MIGA1: variants seen among roughly 807,000 people sequenced by gnomAD.
The protein encoded by MIGA1 is family with sequence similarity 73, member A.
A neutral mutation model predicts 82.0 loss-of-function variants in MIGA1; 58 were observed. The observed-to-expected ratio is 0.71, with a 90% confidence interval of 0.57 to 0.88. The LOEUF is 0.88. MIGA1 is among the 40% of genes least tolerant of loss of function. The probability of loss-of-function intolerance (pLI) is 0.00; values close to 1 mark genes in which losing one functional copy is unlikely to be tolerated. For missense variants in MIGA1, 751 were observed against 749.1 expected, an observed-to-expected ratio of 1.00 and a Z score of -0.03; for synonymous variants, 249 against 253.6, an observed-to-expected ratio of 0.98 and a Z score of 0.17.
rs72641181 is a variant in MIGA1, at chr1:77,828,090, G to A, written c.895+12859G>A. On this transcript the variant is annotated intron_variant, in intron 7 of 15. Coordinates refer to ENST00000370791, the MANE Select transcript of MIGA1 (RefSeq NM_198549.4). ...AATAAATAAATAAATAAAGGTGGGT[G>A]GGGAGGTTTAATGGTTTCCTTTGTG... 1.0e-3 allele frequency among the ~76,000 whole-genome samples: 157 copies of A among 152,076 alleles called. 2 individuals carry two copies. The East Asian group carries it at 0.026, about 25-fold the overall frequency.
At chr1:77,828,884 A>G (rs1684132486) in intron 7 of MIGA1, among the ~76,000 whole-genome samples, 1 of 151,976 alleles carries the variant, frequency 6.6e-6, no homozygotes, top group Non-Finnish European at 1.5e-5. Flanking sequence ...CCTGTATTTC[A>G]CAGGCTGGGC....
chr1:77,847,658 C>G, intron 8 of MIGA1: 13 of 1,569,142 alleles, frequency 8.3e-6, no homozygotes, highest in Non-Finnish European at 1.1e-5. Context: ...TGGATGTAAC[C>G]AAGCAGAAAG....
intron 7 of MIGA1, among the ~76,000 whole-genome samples, chr1:77,816,644 T>C (rs1431026345): frequency 6.6e-6 from 1 of 152,210 alleles, no homozygotes; most frequent in Non-Finnish European, 1.5e-5. Flanking sequence ...TTTAATAGCT[T>C]CTCTGCTATT....
chr1:77,859,795 G>A (rs1381905898), intron 10 of MIGA1: 1 of 403,818 alleles, frequency 2.5e-6, no homozygotes, highest in Non-Finnish European at 4.4e-6. Flanking sequence ...AAATTTATTT[G>A]AGACTGTAAT....
chr1:77,780,073 G>A (rs1220205637), intron 1 of MIGA1: 3 of 1,051,902 alleles, frequency 2.9e-6, no homozygotes, highest in Non-Finnish European at 3.4e-6. Context: ...CCAGAGGAAG[G>A]GTCTGGACGG....
At chr1:77,798,976 A>G (rs1429241503) in intron 2 of MIGA1, among the ~76,000 whole-genome samples, 2 of 152,180 alleles carry the variant, frequency 1.3e-5, no homozygotes, top group Non-Finnish European at 2.9e-5. Context: ...AGATAATATT[A>G]TGGCTTTCTT....
chr1:77,845,699 T>G (rs1684812774), intron 8 of MIGA1, among the ~76,000 whole-genome samples: 1 of 152,184 alleles, frequency 6.6e-6, no homozygotes, highest in African/African-American at 2.4e-5. Context: ...AAGGTTAAAT[T>G]AGGGAAAATT....
At chr1:77,806,949 G>A (rs765734750) in intron 4 of MIGA1, 26 bp from the exon 5 acceptor site, 4 of 1,568,700 alleles carry the variant, frequency 2.5e-6, no homozygotes, top group Non-Finnish European at 3.5e-6. Flanking sequence ...GAGATTTGAA[G>A]TAACTTCTAT....
chr1:77,871,125 G>GCGAGAGGGAGAGGGA (rs1553229461), intron 14 of MIGA1, among the ~76,000 whole-genome samples: 5 of 74,216 alleles, frequency 6.7e-5, no homozygotes, highest in Non-Finnish European at 1.3e-4. Flanking sequence ...GAGAGGGAGA[G>GCGAGAGGGAGAGGGA]GAGGGAGAGG....
chr1:77,808,346 T>A (rs1279265891), intron 5 of MIGA1, among the ~76,000 whole-genome samples: 1 of 152,136 alleles, frequency 6.6e-6, no homozygotes, highest in Non-Finnish European at 1.5e-5. Flanking sequence ...AGGTAACATT[T>A]ACATGTTCTA....
At chr1:77,838,925 A>G (rs967692385) in intron 7 of MIGA1, among the ~76,000 whole-genome samples, 14 of 151,896 alleles carry the variant, frequency 9.2e-5, no homozygotes, top group African/African-American at 2.9e-4. Context: ...CAATTCATTT[A>G]TTTTCATTGT....
At chr1:77,797,492 T>A (rs1207088772) in intron 2 of MIGA1, among the ~76,000 whole-genome samples, 2 of 152,320 alleles carry the variant, frequency 1.3e-5, no homozygotes, top group African/African-American at 4.8e-5. Flanking sequence ...CTTTTCTTAA[T>A]TTTTTAAAAA....
At chr1:77,874,803 T>G (rs556484902) in intron 15 of MIGA1, 43 bp from the exon 16 acceptor site, 1 of 1,403,742 alleles carries the variant, frequency 7.1e-7, no homozygotes, top group African/African-American at 1.4e-5. Flanking sequence ...TCAATGTAAC[T>G]TAATTTTGGT....
In MIGA1 at chr1:77,862,433, C is replaced by T. The variant is rs186577610; in HGVS notation, c.1374+1111C>T. Among the ~76,000 whole-genome samples the T allele has an allele frequency of 4.8e-3, 716 of 150,382 alleles. 6 individuals carry two copies. The highest frequency in any genetic ancestry group is 5.2e-3 in the Non-Finnish European group (355 of 67,690). On this transcript the variant is annotated intron_variant, in intron 12 of 15. Coordinates refer to ENST00000370791, the MANE Select transcript of MIGA1 (RefSeq NM_198549.4). ...CTGTACTCCAGCCTGGGTGACAGAA[C>T]AAGACTCTGGCTCAAAAAATATATA...
chr1:77,802,200 A>G (rs895704627), intron 3 of MIGA1, among the ~76,000 whole-genome samples: 3 of 152,228 alleles, frequency 2.0e-5, no homozygotes, highest in Non-Finnish European at 4.4e-5. Context: ...TCTGTCCAGC[A>G]TACAATTAAT....
Position 77,861,291 on chromosome 1 carries a change from G to A in MIGA1, c.1343G>A (p.Gly448Asp). 1.2e-6 allele frequency: 2 copies of A among 1,612,890 alleles called. No homozygotes were observed. Among genetic ancestry groups the A allele is most frequent in the Non-Finnish European group, 1.7e-6 (2 of 1,179,276 alleles). Reference sequence around the variant, plus strand: ...TTTTTAGAGCAGACCGATCACTGGGGTAGTACTGAAATGGAACTTGCTGCT... The same window carrying A: ...TTTTTAGAGCAGACCGATCACTGGGATAGTACTGAAATGGAACTTGCTGCT... Residue 448 changes from glycine to aspartate, a missense_variant, in exon 12 of 16, where the codon GGT becomes GAT. Physicochemically the swap from Gly to Asp is moderately conservative, Grantham distance 94. This residue lies in a region of MIGA1 where 265 missense variants were observed against 293.6 expected (regional missense o/e 0.90). Transcript: ENST00000370791.
intron 8 of MIGA1, among the ~76,000 whole-genome samples, chr1:77,849,381 C>T (rs970550624): frequency 1.3e-5 from 2 of 152,044 alleles, no homozygotes; most frequent in Non-Finnish European, 2.9e-5. Context: ...TGGGCGACAG[C>T]GGGACCCTGT....
At chr1:77,781,361 T>A (rs1286280141) in intron 1 of MIGA1, among the ~76,000 whole-genome samples, 1 of 152,236 alleles carries the variant, frequency 6.6e-6, no homozygotes, top group Non-Finnish European at 1.5e-5. Context: ...TGCAGTAGCA[T>A]AGATTGCTTA....
At chr1:77,783,204 G>A (rs773761569) in intron 1 of MIGA1, 34 bp from the exon 2 acceptor site, 4 of 1,411,296 alleles carry the variant, frequency 2.8e-6, no homozygotes, top group East Asian at 2.3e-5. Context: ...AGAAATCTTT[G>A]TGGCTAATTT....
Sources: gnomAD v4.1 joint callset for allele counts (sites outside exome capture counted in the v4.1 genomes callset) on GRCh38, gnomAD v4.1.1 for gene constraint, gnomAD v4.1.1 regional missense constraint, MANE v1.5 for transcripts, NCBI Gene and HGNC (gene_info 2026-07-23, HGNC 2026-07-21) for gene names.